Variants in TSPAN5 observed in about 807,000 individuals in gnomAD.
TSPAN5 encodes the protein tetraspanin 5, also known as tetraspanin-5.
TSPAN5 carries 10 observed loss-of-function variants against 37.1 expected under a neutral mutation model. The observed-to-expected ratio is 0.27, with a 90% confidence interval of 0.17 to 0.46. The LOEUF (loss-of-function observed/expected upper bound fraction) is 0.46, where lower values mean the gene tolerates loss of function less well. TSPAN5 is among the 20% of genes least tolerant of loss of function. The probability of loss-of-function intolerance (pLI) is 1.00; values close to 1 mark genes in which losing one functional copy is unlikely to be tolerated. For missense variants in TSPAN5, 195 were observed against 326.6 expected, an observed-to-expected ratio of 0.60 and a Z score of 3.11; for synonymous variants, 110 against 118.9, an observed-to-expected ratio of 0.93 and a Z score of 0.48.
intron 2 of TSPAN5, among the ~76,000 whole-genome samples, chr4:98,489,286 G>C (rs78085077): frequency 0.012 from 1,776 of 152,246 alleles, 15 homozygotes; most frequent in South Asian, 0.022. Context: ...TTTAAACATG[G>C]GGCTTGTAAC....
intron 1 of TSPAN5, among the ~76,000 whole-genome samples, chr4:98,530,956 G>C (rs1315169039): frequency 6.6e-6 from 1 of 152,130 alleles, no homozygotes; most frequent in East Asian, 1.9e-4. Context: ...GCCCAGGCTG[G>C]AGTATAGTGG....
intron 1 of TSPAN5, chr4:98,560,028 A>G (rs1370034259): frequency 6.6e-6 from 1 of 152,196 alleles, no homozygotes; most frequent in African/African-American, 2.4e-5. Flanking sequence ...AATCCACAAC[A>G]TCTTAAAGTG....
chr4:98,535,992 C>G (rs539516886), intron 1 of TSPAN5, among the ~76,000 whole-genome samples: 1 of 152,060 alleles, frequency 6.6e-6, no homozygotes, highest in African/African-American at 2.4e-5. Context: ...TCGTTTAGCT[C>G]AAGTCTGTTA....
At position 98,639,627 on chromosome 4, in the gene TSPAN5, C is replaced by G. The variant is rs148833385; in HGVS notation, c.81+18519G>C. On this transcript the variant is annotated intron_variant, in intron 1 of 7. Coordinates refer to ENST00000305798, the MANE Select transcript of TSPAN5 (RefSeq NM_005723.4). ...ATAAGCCATCTCACCTGGTCTCACC[C>G]CATAATGTAACTGTTTACTCCAATA... 4.1e-3 allele frequency among the ~76,000 whole-genome samples: 624 copies of G among 152,180 alleles called. 21 individuals are homozygous for G. The highest frequency in any genetic ancestry group is 5.2e-3 in the East Asian group (27 of 5,168).
intron 1 of TSPAN5, among the ~76,000 whole-genome samples, chr4:98,519,917 T>C (rs1166761596): frequency 2.6e-5 from 4 of 152,216 alleles, no homozygotes; most frequent in African/African-American, 9.6e-5. Context: ...CAGAGACAAG[T>C]GGAATCTATC....
chr4:98,559,893 C>T (rs1395697932), intron 1 of TSPAN5, among the ~76,000 whole-genome samples: 1 of 152,166 alleles, frequency 6.6e-6, no homozygotes, highest in Non-Finnish European at 1.5e-5. Flanking sequence ...AATTGACTGA[C>T]TGTATTGAGC....
chr4:98,547,538 T>C (rs1312323162), intron 1 of TSPAN5, among the ~76,000 whole-genome samples: 1 of 152,192 alleles, frequency 6.6e-6, no homozygotes, highest in African/African-American at 2.4e-5. Flanking sequence ...TTTGTGCTTC[T>C]CCTAAGTGGC....
chr4:98,526,144 T>C (rs1200608210), intron 1 of TSPAN5, among the ~76,000 whole-genome samples: 3 of 152,140 alleles, frequency 2.0e-5, no homozygotes, highest in Non-Finnish European at 4.4e-5. Context: ...CTGGGTCTCA[T>C]CAGAAAGGAG....
chr4:98,542,684 A>G (rs1181800505), intron 1 of TSPAN5, among the ~76,000 whole-genome samples: 1 of 146,450 alleles, frequency 6.8e-6, no homozygotes, highest in Non-Finnish European at 1.5e-5. Context: ...GTGCCACTGC[A>G]CTTTAGCCTG....
intron 1 of TSPAN5, among the ~76,000 whole-genome samples, chr4:98,642,268 CAGGTG>C (rs1756973532): frequency 6.6e-6 from 1 of 152,088 alleles, no homozygotes; most frequent in Non-Finnish European, 1.5e-5. Flanking sequence ...AAGAAGGGGG[CAGGTG>C]AGGGAAAAAT....
intron 2 of TSPAN5, among the ~76,000 whole-genome samples, chr4:98,502,821 T>C (rs779566239): frequency 6.6e-5 from 10 of 151,738 alleles, no homozygotes; most frequent in Non-Finnish European, 1.5e-4. Flanking sequence ...GCTCTGTCCT[T>C]GGCCTGCTCA....
At chr4:98,484,533 A>C (rs1752918148) in intron 3 of TSPAN5, 1 of 456,152 alleles carries the variant, frequency 2.2e-6, no homozygotes, top group African/African-American at 2.0e-5. Context: ...AGACTTTATA[A>C]ATTAAGGTGC....
chr4:98,497,288 G>C (rs2110275832), intron 2 of TSPAN5, among the ~76,000 whole-genome samples: 1 of 144,902 alleles, frequency 6.9e-6, no homozygotes, highest in Non-Finnish European at 1.5e-5. Flanking sequence ...CTGCACTCCA[G>C]CTTGGGTGAC....
At chr4:98,644,925 C>T (rs1051183890) in intron 1 of TSPAN5, among the ~76,000 whole-genome samples, 1 of 152,200 alleles carries the variant, frequency 6.6e-6, no homozygotes, top group Admixed American at 6.5e-5. Flanking sequence ...AACATTTAAA[C>T]ACATTCCCCA....
chr4:98,564,047 C>CA (rs1754941860), intron 1 of TSPAN5, among the ~76,000 whole-genome samples: 2 of 152,104 alleles, frequency 1.3e-5, no homozygotes, highest in Admixed American at 1.3e-4. Flanking sequence ...GACACACACA[C>CA]AAAAAACGTG....
chr4:98,570,314 A>G (rs1755091573), intron 1 of TSPAN5, among the ~76,000 whole-genome samples: 1 of 152,216 alleles, frequency 6.6e-6, no homozygotes, highest in Non-Finnish European at 1.5e-5. Context: ...ATAAAGGTAC[A>G]TGCCAGATCT....
chr4:98,535,172 G>A (rs1286273487), intron 1 of TSPAN5, among the ~76,000 whole-genome samples: 1 of 152,120 alleles, frequency 6.6e-6, no homozygotes, highest in Non-Finnish European at 1.5e-5. Flanking sequence ...GCTGGTACCG[G>A]CTGTTCCTGT....
chr4:98,625,761 T>C (rs1420109271), intron 1 of TSPAN5, among the ~76,000 whole-genome samples: 2 of 152,208 alleles, frequency 1.3e-5, no homozygotes, highest in African/African-American at 4.8e-5. Flanking sequence ...TATTCATTCC[T>C]TCTGAAAACC....
chr4:98,533,048 C>T (rs888693112), intron 1 of TSPAN5, among the ~76,000 whole-genome samples: 1 of 152,274 alleles, frequency 6.6e-6, no homozygotes, highest in Non-Finnish European at 1.5e-5. Context: ...CTGACTTCAT[C>T]GTGGTGGATA....
Sources: allele counts gnomAD v4.1 joint callset (sites outside exome capture counted in the v4.1 genomes callset), GRCh38; gene constraint gnomAD v4.1.1; transcripts MANE v1.5; gene names NCBI Gene and HGNC (gene_info 2026-07-23, HGNC 2026-07-21).